Variants in COL27A1 observed in about 807,000 individuals in gnomAD.
COL27A1 encodes the protein collagen alpha-1(XXVII) chain.
A neutral mutation model predicts 251.3 loss-of-function variants in COL27A1; 106 were observed. The ratio of observed to expected loss-of-function variants is 0.42; its 90% CI spans 0.36 to 0.50. COL27A1 has a LOEUF of 0.50. Ranked by LOEUF, COL27A1 falls within the 20% of genes least tolerant of loss-of-function variation. The pLI, the probability that COL27A1 is intolerant of heterozygous loss-of-function variation, is 0.00. For synonymous variants in COL27A1, 1,000 were observed against 986.3 expected (o/e 1.01, Z -0.26); for missense variants, 2,325 against 2,522.8 (o/e 0.92, Z 1.68).
rs771243721 is a variant in COL27A1 at position 114,286,060 on chromosome 9, C to T, written c.3987+1283C>T. On this transcript the variant is annotated intron_variant, in intron 41 of 60. Transcript: ENST00000356083. ...CTCACTTAGAAGGCATTATTAGATT[C>T]GTTCATTCCTCCAGCTCTCCAACAG... Among the ~76,000 whole-genome samples, 5 of 152,214 alleles carry T rather than the reference C, an allele frequency of 3.3e-5. No homozygotes were observed. In the East Asian group the frequency reaches 9.6e-4, roughly 29 times the overall value.
chr9:114,226,133 CAG>C (rs1273598634), intron 14 of COL27A1, among the ~76,000 whole-genome samples: 1 of 152,166 alleles, frequency 6.6e-6, no homozygotes, highest in Non-Finnish European at 1.5e-5. Flanking sequence ...CCTTTTTATT[CAG>C]AGTGACACAG....
Position 114,311,276 on chromosome 9 carries a change from T to C in COL27A1, c.*581T>C, listed in dbSNP as rs921224761. 6.6e-6 allele frequency: 1 copy of C among 151,848 alleles called. No homozygotes were observed. Among genetic ancestry groups the C allele is most frequent in the Non-Finnish European group, 1.5e-5 (1 of 68,014 alleles). The allele number at this position is 151,848 out of a possible 1,614,324, so 9.4% of individuals were successfully genotyped here. On this transcript the variant is annotated 3_prime_UTR_variant, in exon 61 of 61. Coordinates refer to ENST00000356083, the MANE Select transcript of COL27A1 (RefSeq NM_032888.4). ...TCCTCGGGCTGGGGGTGCCCACGTT[T>C]GCTACCTCCCACTGTGAAATCGCTG...
intron 7 of COL27A1, among the ~76,000 whole-genome samples, chr9:114,201,156 G>A (rs542116933): frequency 6.6e-6 from 1 of 152,242 alleles, no homozygotes; most frequent in Non-Finnish European, 1.5e-5. Flanking sequence ...CACAGGTTCT[G>A]TGGAGACCCG....
chr9:114,272,593 A>G (rs1183744260), intron 36 of COL27A1: 1 of 152,224 alleles, frequency 6.6e-6, no homozygotes, highest in Non-Finnish European at 1.5e-5. Flanking sequence ...TACACCCGTT[A>G]TCTCTTCGCT....
chr9:114,269,911 G>C (rs1304097212), intron 35 of COL27A1, among the ~76,000 whole-genome samples: 6 of 152,156 alleles, frequency 3.9e-5, no homozygotes, highest in African/African-American at 1.4e-4. Flanking sequence ...TCTGAACAGC[G>C]ATGAATTCTA....
intron 36 of COL27A1, 188 bp downstream of exon 36, chr9:114,270,969 C>T: frequency 1.7e-6 from 1 of 585,090 alleles, no homozygotes; most frequent in Non-Finnish European, 3.0e-6. Context: ...CTGCCCTCTG[C>T]ACTACCTGCT....
chr9:114,222,076 A>G (rs1352834335), intron 13 of COL27A1, 147 bp from the exon 14 acceptor site: 1 of 645,730 alleles, frequency 1.5e-6, no homozygotes, highest in Non-Finnish European at 2.8e-6. Flanking sequence ...GGCCAGGCTC[A>G]GGAAAGTCGC....
intron 10 of COL27A1, among the ~76,000 whole-genome samples, chr9:114,209,205 TGTTA>T (rs1236768085): frequency 2.6e-5 from 4 of 152,166 alleles, no homozygotes; most frequent in Non-Finnish European, 5.9e-5. Context: ...TCGCAGCCGC[TGTTA>T]GTTAATGCCA....
chr9:114,186,080 C>G (rs1262766614), intron 5 of COL27A1, among the ~76,000 whole-genome samples: 1 of 152,202 alleles, frequency 6.6e-6, no homozygotes, highest in East Asian at 1.9e-4. Flanking sequence ...CTTGGGTTTG[C>G]CTGCCAGAAG....
chr9:114,290,865 G>A lies in COL27A1; in HGVS notation c.4424G>A (p.Gly1475Glu). ...CCCATGGGCCCTGCTGGGAAGAGAG[G>A]AAATCCAGGTGTGGCCGGCTTACCT... is the stretch of plus-strand genomic sequence containing the variant. Reference protein sequence around the residue: ...PGPMGPAGKRGNPGVAGLPGA... With the variant: ...PGPMGPAGKRENPGVAGLPGA... Residue 1475 changes from glycine to glutamate, a missense_variant, in exon 48 of 61, where the codon GGA becomes GAA. Gly to Glu is a moderately conservative substitution (Grantham distance 98). Around this residue, in one of 4 missense-constraint regions of COL27A1, gnomAD observed 153 missense variants for 140.7 expected, o/e 1.09. Coordinates refer to ENST00000356083, the MANE Select transcript of COL27A1 (RefSeq NM_032888.4). The surrounding 1 kb of genome is among the most constrained non-coding windows in gnomAD (Gnocchi z 4.6). The A allele has an allele frequency of 6.4e-7, 1 of 1,551,954 alleles. No individual in the cohort carries two copies. Among genetic ancestry groups the A allele is most frequent in the Non-Finnish European group, 8.7e-7 (1 of 1,147,080 alleles).
chr9:114,216,181 C>T (rs1830700095), intron 12 of COL27A1, among the ~76,000 whole-genome samples: 1 of 152,238 alleles, frequency 6.6e-6, no homozygotes, highest in Admixed American at 6.5e-5. Context: ...CCTCTTGGGC[C>T]TTGTTCTGCT....
intron 3 of COL27A1, 31 bp downstream of exon 3, chr9:114,169,494 G>A (rs750161116): frequency 6.1e-6 from 9 of 1,480,332 alleles, no homozygotes; most frequent in Non-Finnish European, 8.1e-6. Flanking sequence ...CATGCTGCTT[G>A]GAGCTCCAGT....
chr9:114,307,480 C>A lies in COL27A1; in HGVS notation c.5108-189C>A, dbSNP rs778028156. The A allele has an allele frequency of 1.4e-5, 8 of 582,282 alleles. No individual in the cohort carries two copies. In the South Asian group the frequency reaches 1.6e-4, roughly 12 times the overall value. The allele number at this position is 582,282 out of a possible 1,614,324, so 36.1% of individuals were successfully genotyped here. Reference sequence around the variant, plus strand: ...TGTGACCCCTCCTCTGGGGGCTCTGCCAGTTGTGAGCTCTGCCCAGAAGGT... The same window carrying A: ...TGTGACCCCTCCTCTGGGGGCTCTGACAGTTGTGAGCTCTGCCCAGAAGGT... On this transcript the variant is annotated intron_variant, in intron 58 of 60. Transcript: ENST00000356083.
chr9:114,177,731 T>A (rs1180333184), intron 3 of COL27A1, among the ~76,000 whole-genome samples: 1 of 152,204 alleles, frequency 6.6e-6, no homozygotes, highest in Non-Finnish European at 1.5e-5. Context: ...CAAAAACCCA[T>A]GCCATGCTCT....
chr9:114,292,551 A>G (rs1827999037), intron 49 of COL27A1, among the ~76,000 whole-genome samples: 1 of 152,094 alleles, frequency 6.6e-6, no homozygotes, highest in South Asian at 2.1e-4. Context: ...GCTGCATTCA[A>G]CTCACCCTTG....
intron 31 of COL27A1, 67 bp from the exon 32 acceptor site, chr9:114,265,355 C>T: frequency 6.5e-7 from 1 of 1,532,414 alleles, no homozygotes; most frequent in Non-Finnish European, 9.0e-7. Flanking sequence ...GGATGGCTTG[C>T]TTGAAATCAA....
chr9:114,250,963 G>A lies in COL27A1; in HGVS notation c.3033+295G>A, dbSNP rs559286661. Among the ~76,000 whole-genome samples, 12 of 152,262 alleles carry A rather than the reference G, an allele frequency of 7.9e-5. No homozygotes were observed. The South Asian group carries it at 2.3e-3, about 29-fold the overall frequency. On this transcript the variant is annotated intron_variant, in intron 25 of 60. Coordinates refer to ENST00000356083, the MANE Select transcript of COL27A1 (RefSeq NM_032888.4). ...CTACTGGCCCTGCACAGGGGTCGGC[G>A]AGAGCAGGGAGGAAAAGACTCATCT...
At chr9:114,235,020 A>G (rs1832265993) in intron 16 of COL27A1, among the ~76,000 whole-genome samples, 1 of 150,742 alleles carries the variant, frequency 6.6e-6, no homozygotes, top group Non-Finnish European at 1.5e-5. Context: ...TCAAAGCTGC[A>G]CAGAGCCAAG....
At chr9:114,275,388 C>G (rs1282657170) in intron 36 of COL27A1, among the ~76,000 whole-genome samples, 2 of 152,202 alleles carry the variant, frequency 1.3e-5, no homozygotes, top group African/African-American at 2.4e-5. Flanking sequence ...CGGCTTATCT[C>G]TGAGTCACTC....
Sources: gnomAD v4.1 joint callset for allele counts (sites outside exome capture counted in the v4.1 genomes callset) on GRCh38, gnomAD v4.1.1 for gene constraint, gnomAD v4.1.1 regional missense constraint, Gnocchi (gnomAD v3.1) non-coding constraint, MANE v1.5 for transcripts, NCBI Gene and HGNC (gene_info 2026-07-23, HGNC 2026-07-21) for gene names.